The following TGFA variants were observed in gnomAD, a reference collection of about 807,000 sequenced individuals.
The protein encoded by TGFA is transforming growth factor alpha, also known as protransforming growth factor alpha.
TGFA carries 12 observed loss-of-function variants against 21.7 expected under a neutral mutation model. That is an observed-to-expected ratio of 0.55 (90% CI 0.35 to 0.90). TGFA has a LOEUF of 0.90. TGFA is among the 40% of genes least tolerant of loss of function. The probability of loss-of-function intolerance (pLI) is 0.01; values close to 1 mark genes in which losing one functional copy is unlikely to be tolerated. For missense variants in TGFA, 178 were observed against 210.8 expected (o/e 0.84, Z 0.96); for synonymous variants, 79 against 88.1 (o/e 0.90, Z 0.58).
intron 2 of TGFA, among the ~76,000 whole-genome samples, chr2:70,508,479 G>C (rs907225470): frequency 2.6e-5 from 4 of 151,698 alleles, no homozygotes; most frequent in Admixed American, 1.3e-4. Flanking sequence ...GGAGGTGAAG[G>C]GGGGGAATGT....
chr2:70,472,055 ATT>A (rs1267384430), intron 2 of TGFA, among the ~76,000 whole-genome samples: 1 of 150,664 alleles, frequency 6.6e-6, no homozygotes, highest in Admixed American at 6.6e-5. Flanking sequence ...TTCCCACTCT[ATT>A]GTTTTTTCTG....
intron 1 of TGFA, among the ~76,000 whole-genome samples, chr2:70,535,879 A>G (rs1553504302): frequency 6.6e-6 from 1 of 152,236 alleles, no homozygotes; most frequent in African/African-American, 2.4e-5. Context: ...TACAACCCAT[A>G]TAGGATTCAA....
In TGFA at chr2:70,449,305, T is replaced by C. The variant is rs1272417387; in HGVS notation, c.*1554A>G. On this transcript the variant is annotated 3_prime_UTR_variant, in exon 6 of 6. Coordinates refer to ENST00000295400, the MANE Select transcript of TGFA (RefSeq NM_003236.4). ...AATTTAACATATTTTAAATGTACCT[T>C]TCACGATGTAATAAGCTAGGTGCAC... 11 of 152,350 alleles carry C rather than the reference T, an allele frequency of 7.2e-5. No individual in the cohort carries two copies. The highest frequency in any genetic ancestry group is 2.7e-4 in the African/African-American group (11 of 41,458). The allele number at this position is 152,350 out of a possible 1,614,324, so 9.4% of individuals were successfully genotyped here.
intron 1 of TGFA, among the ~76,000 whole-genome samples, chr2:70,522,151 G>A (rs1553502408): frequency 6.6e-6 from 1 of 152,114 alleles, no homozygotes; most frequent in Non-Finnish European, 1.5e-5. Flanking sequence ...CTTACACCTG[G>A]CCTAACGCAC....
intron 1 of TGFA, among the ~76,000 whole-genome samples, chr2:70,520,787 A>G (rs561109767): frequency 6.6e-6 from 1 of 152,014 alleles, no homozygotes; most frequent in African/African-American, 2.4e-5. Context: ...CCCTGCTTCC[A>G]TGCCCAAACA....
intron 4 of TGFA, among the ~76,000 whole-genome samples, chr2:70,453,963 C>T (rs188902519): frequency 6.6e-6 from 1 of 151,814 alleles, no homozygotes; most frequent in East Asian, 1.9e-4. Context: ...AGGCTCCTGC[C>T]TCCCTCTGTG....
At chr2:70,493,413 G>C (rs1208805082) in intron 2 of TGFA, among the ~76,000 whole-genome samples, 2 of 152,140 alleles carry the variant, frequency 1.3e-5, no homozygotes, top group East Asian at 3.8e-4. Context: ...ATAGGAGTCT[G>C]GGTAGGAGGG....
chr2:70,457,105 G>T (rs1670257646), intron 3 of TGFA, among the ~76,000 whole-genome samples: 1 of 152,176 alleles, frequency 6.6e-6, no homozygotes, highest in Admixed American at 6.5e-5. Flanking sequence ...CACAAGCAAG[G>T]TCGTGTCTGA....
intron 3 of TGFA, among the ~76,000 whole-genome samples, chr2:70,458,819 TCTC>T (rs1203115666): frequency 6.6e-6 from 1 of 152,216 alleles, no homozygotes; most frequent in Non-Finnish European, 1.5e-5. Context: ...TGACTGCTCT[TCTC>T]TGACCAGCTT....
chr2:70,466,060 A>AT lies in TGFA; in HGVS notation c.95-325dup, dbSNP rs202173215. Among the ~76,000 whole-genome samples, 134 of 152,026 alleles carry AT rather than the reference A, an allele frequency of 8.8e-4. 1 individual carries two copies. Among genetic ancestry groups the AT allele is most frequent in the African/African-American group, 2.7e-3 (110 of 41,472 alleles). ...ATTTCACTTTTGCAAAGTGACAGTG[A>AT]TTTTTTTTTAGATAGCTGTCATAAG... is the stretch of plus-strand genomic sequence containing the variant. On this transcript the variant is annotated intron_variant, in intron 2 of 5. Coordinates refer to ENST00000295400, the MANE Select transcript of TGFA (RefSeq NM_003236.4).
Position 70,457,291 on chromosome 2 carries a change from C to G in TGFA, c.216-803G>C, listed in dbSNP as rs1198842210. Reference sequence around the variant, plus strand: ...TTGGTATTAATCTTTCAATCACGGCCCCCTGCTATGCCCAGATGGGTCTCA... The same window carrying G: ...TTGGTATTAATCTTTCAATCACGGCGCCCTGCTATGCCCAGATGGGTCTCA... On this transcript the variant is annotated intron_variant, in intron 3 of 5. Transcript: ENST00000295400. 3.3e-5 allele frequency among the ~76,000 whole-genome samples: 5 copies of G among 152,180 alleles called. No individual in the cohort carries two copies. The East Asian group carries it at 9.6e-4, about 29-fold the overall frequency.
intron 1 of TGFA, among the ~76,000 whole-genome samples, chr2:70,520,252 G>C (rs1342234632): frequency 3.9e-5 from 6 of 152,086 alleles, no homozygotes; most frequent in African/African-American, 1.4e-4. Flanking sequence ...GGGTCGCCCA[G>C]CTGCAGGCTA....
At chr2:70,508,499 A>G (rs1259860738) in intron 2 of TGFA, among the ~76,000 whole-genome samples, 3 of 152,212 alleles carry the variant, frequency 2.0e-5, no homozygotes, top group Non-Finnish European at 2.9e-5. Context: ...TTATAGGTCT[A>G]GAAAGATTTA....
At chr2:70,458,370 G>A (rs1670304504) in intron 3 of TGFA, among the ~76,000 whole-genome samples, 2 of 152,022 alleles carry the variant, frequency 1.3e-5, no homozygotes, top group African/African-American at 4.8e-5. Context: ...TTCCAGATGG[G>A]GTCCCTGAAT....
intron 1 of TGFA, among the ~76,000 whole-genome samples, chr2:70,536,097 T>C (rs1312071929): frequency 1.3e-5 from 2 of 152,228 alleles, no homozygotes; most frequent in Admixed American, 1.3e-4. Flanking sequence ...AGGGAGACTA[T>C]GTCAACTACA....
At chr2:70,492,069 C>T (rs781795882) in intron 2 of TGFA, among the ~76,000 whole-genome samples, 2 of 152,018 alleles carry the variant, frequency 1.3e-5, no homozygotes, top group Non-Finnish European at 2.9e-5. Flanking sequence ...GGATCTTAGA[C>T]CTGCATGAGG....
chr2:70,526,534 C>T (rs1021456430), intron 1 of TGFA, among the ~76,000 whole-genome samples: 4 of 152,138 alleles, frequency 2.6e-5, no homozygotes, highest in Non-Finnish European at 4.4e-5. Context: ...TTTATTGACT[C>T]GAGACAAACC....
intron 2 of TGFA, among the ~76,000 whole-genome samples, chr2:70,512,199 C>T (rs925460633): frequency 1.3e-5 from 2 of 152,162 alleles, no homozygotes; most frequent in East Asian, 3.8e-4. Context: ...TTTCTCCTGG[C>T]CCAGCCCTCT....
chr2:70,489,955 G>A (rs3911078), intron 2 of TGFA, among the ~76,000 whole-genome samples: 88,338 of 151,908 alleles, frequency 0.58, 26,414 homozygotes, highest in African/African-American at 0.72. Context: ...ACGCATTGCA[G>A]TCACCTTGGA....
Sources: gnomAD v4.1 joint callset for allele counts (sites outside exome capture counted in the v4.1 genomes callset) on GRCh38, gnomAD v4.1.1 for gene constraint, MANE v1.5 for transcripts, NCBI Gene and HGNC (gene_info 2026-07-23, HGNC 2026-07-21) for gene names.